Variants in CNST observed in about 807,000 individuals in gnomAD.
The protein encoded by CNST is consortin, connexin sorting protein, also known as consortin.
CNST carries 39 observed loss-of-function variants against 72.4 expected under a neutral mutation model. That is an observed-to-expected ratio of 0.54 (90% CI 0.42 to 0.70). The LOEUF is 0.70. Ranked by LOEUF, CNST falls within the 30% of genes least tolerant of loss-of-function variation. The pLI is 0.00. For synonymous variants in CNST, 332 were observed against 320.1 expected (o/e 1.04, Z -0.40); for missense variants, 871 against 868.5 (o/e 1.00, Z -0.04).
At chr1:246,625,990 C>G (rs1664406589) in intron 3 of CNST, among the ~76,000 whole-genome samples, 1 of 151,928 alleles carries the variant, frequency 6.6e-6, no homozygotes, top group Non-Finnish European at 1.5e-5. Context: ...CCTTTGGGAG[C>G]TCTTTTCTTG....
chr1:246,645,719 G>A (rs563792432), intron 8 of CNST, among the ~76,000 whole-genome samples: 4 of 151,998 alleles, frequency 2.6e-5, no homozygotes, highest in African/African-American at 7.2e-5. Context: ...GAGCCACCGC[G>A]CCCGGCCAAA....
At chr1:246,646,095 C>T (rs1225294019) in intron 8 of CNST, among the ~76,000 whole-genome samples, 4 of 151,758 alleles carry the variant, frequency 2.6e-5, no homozygotes, top group African/African-American at 9.7e-5. Flanking sequence ...CTGGCTAACA[C>T]GGTGAAACCC....
At chr1:246,589,746 C>T (rs1027929726) in intron 1 of CNST, among the ~76,000 whole-genome samples, 11 of 152,272 alleles carry the variant, frequency 7.2e-5, no homozygotes, top group South Asian at 4.1e-4. Flanking sequence ...GTAAAAGTGT[C>T]CCTGTTTCTC....
At chr1:246,589,968 T>G (rs952005663) in intron 1 of CNST, among the ~76,000 whole-genome samples, 2 of 152,224 alleles carry the variant, frequency 1.3e-5, no homozygotes, top group Non-Finnish European at 2.9e-5. Context: ...GGTTGTTTGT[T>G]TTTTTCTTGT....
chr1:246,585,587 A>G (rs571681389), intron 1 of CNST, among the ~76,000 whole-genome samples: 10 of 145,070 alleles, frequency 6.9e-5, no homozygotes, highest in Admixed American at 2.1e-4. Flanking sequence ...CAGAGGTTGC[A>G]GTGAGCCAAG....
intron 2 of CNST, among the ~76,000 whole-genome samples, chr1:246,600,134 G>A (rs796340704): frequency 6.6e-6 from 1 of 152,300 alleles, no homozygotes; most frequent in African/African-American, 2.4e-5. Context: ...CGTCAGAGAT[G>A]GCAGGCGTAC....
In CNST at chr1:246,652,873, G is replaced by A. The variant is rs375281994; in HGVS notation, c.1836+4836G>A. Among the ~76,000 whole-genome samples the A allele has an allele frequency of 5.9e-3, 884 of 150,476 alleles. 3 individuals carry two copies. The highest frequency in any genetic ancestry group is 0.015 in the South Asian group (69 of 4,740). On this transcript the variant is annotated intron_variant, in intron 9 of 10. Transcript: ENST00000366513. ...CAAAAAACTAGCCGGGCGTGGTGGC[G>A]GGCGCCTGTAGTCCCAGCTACTCGG...
chr1:246,612,819 A>T (rs1663423062), intron 2 of CNST, among the ~76,000 whole-genome samples: 1 of 152,124 alleles, frequency 6.6e-6, no homozygotes, highest in African/African-American at 2.4e-5. Context: ...GGGGAGGTCG[A>T]GGCTGCAGTG....
intron 8 of CNST, among the ~76,000 whole-genome samples, chr1:246,644,335 G>C (rs894015231): frequency 2.1e-4 from 30 of 144,618 alleles, no homozygotes; most frequent in African/African-American, 7.4e-4. Context: ...CTTGCAGTGA[G>C]CTGAGATGGC....
rs111837817 is a variant in CNST, at chr1:246,645,553, G to T, written c.938-1586G>T. Among the ~76,000 whole-genome samples the T allele has an allele frequency of 6.5e-3, 970 of 148,130 alleles. 15 individuals are homozygous for T. The highest frequency in any genetic ancestry group is 0.023 in the African/African-American group (920 of 39,954). On this transcript the variant is annotated intron_variant, in intron 8 of 10. Transcript: ENST00000366513. ...CGCCATTCTCCTGCCTCAGCCTCCC[G>T]AGTAGCTGGGACTACAGGCGCCCGC... is the stretch of plus-strand genomic sequence containing the variant.
intron 9 of CNST, among the ~76,000 whole-genome samples, chr1:246,657,735 C>T (rs533754947): frequency 3.3e-5 from 5 of 152,294 alleles, no homozygotes; most frequent in Non-Finnish European, 7.3e-5. Context: ...AGGCAGGGAC[C>T]TCACAGCCGC....
At chr1:246,582,588 G>A (rs988157967) in intron 1 of CNST, among the ~76,000 whole-genome samples, 1 of 152,094 alleles carries the variant, frequency 6.6e-6, no homozygotes, top group Admixed American at 6.5e-5. Context: ...AAGAAAAGAT[G>A]GTCTTTCACA....
At chr1:246,642,141 T>TTTTTG in intron 8 of CNST, 104 bp downstream of exon 8, 1 of 616,250 alleles carries the variant, frequency 1.6e-6, no homozygotes, top group African/African-American at 2.1e-5. Flanking sequence ...TGGTTTTTTT[T>TTTTTG]TTTTTTTTTT....
intron 10 of CNST, 111 bp downstream of exon 10, chr1:246,660,445 G>GC: frequency 8.2e-7 from 1 of 1,216,118 alleles, no homozygotes; most frequent in Non-Finnish European, 1.2e-6. Context: ...GACTATGTCC[G>GC]CCAGGCACGG....
chr1:246,633,794 T>G, intron 4 of CNST, 130 bp from the exon 5 acceptor site: 1 of 580,752 alleles, frequency 1.7e-6, no homozygotes, highest in Non-Finnish European at 3.1e-6. Flanking sequence ...TGTTTAAATT[T>G]AAAAATATTT....
In CNST at chr1:246,641,283, C is replaced by T. The variant is rs1266257259; in HGVS notation, c.819-466C>T. ...TGGCGATGAGCATTTTTGTGTGTGC[C>T]TTTAATGGATATGTACATTCTGTTA... is the stretch of plus-strand genomic sequence containing the variant. On this transcript the variant is annotated intron_variant, in intron 6 of 10. Coordinates refer to ENST00000366513, the MANE Select transcript of CNST (RefSeq NM_152609.3). Among the ~76,000 whole-genome samples the T allele has an allele frequency of 2.0e-5, 3 of 152,246 alleles. No individual in the cohort carries two copies. In the East Asian group the frequency reaches 5.8e-4, roughly 29 times the overall value.
At chr1:246,650,676 C>CTTTTTTTTT (rs10693662) in intron 9 of CNST, among the ~76,000 whole-genome samples, 1 of 127,680 alleles carries the variant, frequency 7.8e-6, no homozygotes. Context: ...TTAATTCAAA[C>CTTTTTTTTT]TTTTTTTTTT....
rs760333212 is a variant in CNST, at chr1:246,647,841, A to G, written c.1640A>G (p.Tyr547Cys). Reference sequence around the variant, plus strand: ...CAACTCAACAAAGAAACAGAAGACTATTTGAACAGCCTTTTAGAAGGATGT... The same window carrying G: ...CAACTCAACAAAGAAACAGAAGACTGTTTGAACAGCCTTTTAGAAGGATGT... ...DDQLNKETED[Y>C]LNSLLEGCLK... The change falls in exon 9 of 11, where the codon TAT becomes TGT. Residue 547 changes from tyrosine to cysteine, a missense_variant. Tyr to Cys is a radical substitution (Grantham distance 194, BLOSUM62 -2). Transcript: ENST00000366513. 11 of 1,614,208 alleles carry G rather than the reference A, an allele frequency of 6.8e-6. No homozygotes were observed. The highest frequency in any genetic ancestry group is 1.7e-5 in the Admixed American group (1 of 60,028).
chr1:246,570,383 TA>T (rs1659994114), intron 1 of CNST, among the ~76,000 whole-genome samples: 1 of 152,224 alleles, frequency 6.6e-6, no homozygotes, highest in African/African-American at 2.4e-5. Flanking sequence ...TAAACTTCCC[TA>T]AATACTACTT....
Sources: gnomAD v4.1 joint callset for allele counts (sites outside exome capture counted in the v4.1 genomes callset) on GRCh38, gnomAD v4.1.1 for gene constraint, MANE v1.5 for transcripts, NCBI Gene and HGNC (gene_info 2026-07-23, HGNC 2026-07-21) for gene names.